The following UFL1 variants were observed in gnomAD, a reference collection of about 807,000 sequenced individuals.
UFL1 encodes the protein UFM1 specific ligase 1, also known as E3 UFM1-protein ligase 1.
A neutral mutation model predicts 99.3 loss-of-function variants in UFL1; 78 were observed. The observed-to-expected ratio is 0.79, with a 90% confidence interval of 0.65 to 0.95. The LOEUF is 0.95. UFL1 is among the 40% of genes least tolerant of loss of function. The pLI is 0.00. For missense variants in UFL1, 936 were observed against 937.0 expected (o/e 1.00, Z 0.01); for synonymous variants, 335 against 322.2 (o/e 1.04, Z -0.42).
intron 12 of UFL1, among the ~76,000 whole-genome samples, chr6:96,546,961 G>A (rs1444242880): frequency 1.3e-5 from 2 of 151,468 alleles, no homozygotes; most frequent in East Asian, 1.9e-4. Context: ...AATCCCAAAA[G>A]CAAATGCACC....
intron 4 of UFL1, 25 bp from the exon 5 acceptor site, chr6:96,526,296 A>T (rs771224323): frequency 6.5e-6 from 10 of 1,548,402 alleles, no homozygotes; most frequent in Admixed American, 2.0e-5. Flanking sequence ...TCTTTTTTCT[A>T]TTATTTTCTT....
chr6:96,544,542 T>C (rs963742441), intron 12 of UFL1, among the ~76,000 whole-genome samples: 4 of 151,086 alleles, frequency 2.6e-5, no homozygotes, highest in African/African-American at 9.7e-5. Flanking sequence ...TACTTGCTAT[T>C]TGTAATAGCA....
intron 7 of UFL1, among the ~76,000 whole-genome samples, chr6:96,535,840 TA>T (rs1439560318): frequency 6.6e-6 from 1 of 152,032 alleles, no homozygotes; most frequent in African/African-American, 2.4e-5. Flanking sequence ...TTTTAAATAT[TA>T]AAAAACGGAA....
intron 18 of UFL1, 89 bp downstream of exon 18, chr6:96,552,751 G>C (rs1253441851): frequency 8.3e-7 from 1 of 1,206,726 alleles, no homozygotes; most frequent in African/African-American, 1.6e-5. Flanking sequence ...TCAGCACTCA[G>C]GTATAAAATA....
chr6:96,553,000 A>G (rs986838149), intron 18 of UFL1, among the ~76,000 whole-genome samples: 1 of 152,106 alleles, frequency 6.6e-6, no homozygotes, highest in African/African-American at 2.4e-5. Flanking sequence ...CTCAGCTAAA[A>G]GGGAACTTCC....
chr6:96,549,486 G>A lies in UFL1; in HGVS notation c.1595G>A (p.Gly532Asp). The A allele has an allele frequency of 1.9e-6, 3 of 1,590,998 alleles. No individual in the cohort carries two copies. The highest frequency in any genetic ancestry group is 1.9e-5 in the Admixed American group (1 of 52,482). Residue 532 changes from glycine to aspartate, a missense_variant, in exon 14 of 19, where the codon GGC becomes GAC. Coordinates refer to ENST00000369278, the MANE Select transcript of UFL1 (RefSeq NM_015323.5). ...TCAACAACTTCTGCTTCTGGGACGG[G>A]CAGAAAACGCACAATCAAGGACTTG... is the stretch of plus-strand genomic sequence containing the variant. ...MSSTTSASGTGRKRTIKDLQE... is the reference protein window; with the variant it reads ...MSSTTSASGTDRKRTIKDLQE...
At chr6:96,527,379 T>C in intron 5 of UFL1, among the ~76,000 whole-genome samples, 1 of 152,148 alleles carries the variant, frequency 6.6e-6, no homozygotes, top group Non-Finnish European at 1.5e-5. Flanking sequence ...AACTAAATAA[T>C]GCTAGTTCTT....
At chr6:96,533,287 C>G (rs1433861133) in intron 6 of UFL1, among the ~76,000 whole-genome samples, 1 of 151,448 alleles carries the variant, frequency 6.6e-6, no homozygotes, top group Non-Finnish European at 1.5e-5. Flanking sequence ...TTCATCGATA[C>G]AAAGTCAAAA....
At chr6:96,534,572 C>T (rs1419444212) in intron 7 of UFL1, among the ~76,000 whole-genome samples, 1 of 151,402 alleles carries the variant, frequency 6.6e-6, no homozygotes, top group African/African-American at 2.4e-5. Context: ...AAATATATGT[C>T]TCACACACTC....
chr6:96,540,727 A>G lies in UFL1; in HGVS notation c.1279+72A>G, dbSNP rs1431315585. On this transcript the variant is annotated intron_variant, in intron 11 of 18. Coordinates refer to ENST00000369278, the MANE Select transcript of UFL1 (RefSeq NM_015323.5). ...AGTGAACTTTGCATTTATCACATTT[A>G]TTATGCCCTTTGAAAGGCCCTTTGT... 25 of 1,518,526 alleles carry G rather than the reference A, an allele frequency of 1.6e-5. No homozygotes were observed. The East Asian group carries it at 5.6e-4, about 34-fold the overall frequency. The allele number at this position is 1,518,526 out of a possible 1,614,324, so 94.1% of individuals were successfully genotyped here.
chr6:96,526,093 A>G (rs1769696837), intron 4 of UFL1, among the ~76,000 whole-genome samples: 1 of 150,764 alleles, frequency 6.6e-6, no homozygotes. Context: ...TGCAAAAAAA[A>G]AAAAGAAAAA....
At chr6:96,534,132 G>A in intron 6 of UFL1, 131 bp from the exon 7 acceptor site, 1 of 512,936 alleles carries the variant, frequency 1.9e-6, no homozygotes, top group Non-Finnish European at 3.0e-6. Context: ...TTAAAATTTG[G>A]TGTAATTTTT....
At chr6:96,546,013 T>C (rs561917303) in intron 12 of UFL1, among the ~76,000 whole-genome samples, 4 of 151,336 alleles carry the variant, frequency 2.6e-5, no homozygotes, top group African/African-American at 9.7e-5. Flanking sequence ...CTAGAAATCC[T>C]AGCCAGAGCA....
At chr6:96,545,480 A>G (rs937926950) in intron 12 of UFL1, among the ~76,000 whole-genome samples, 4 of 150,938 alleles carry the variant, frequency 2.7e-5, no homozygotes, top group South Asian at 2.1e-4. Flanking sequence ...TTTTTAATCT[A>G]TGCCTTTTCC....
chr6:96,551,073 C>T (rs1319498513), intron 15 of UFL1, among the ~76,000 whole-genome samples: 1 of 151,922 alleles, frequency 6.6e-6, no homozygotes, highest in African/African-American at 2.4e-5. Context: ...TGTAGGCATC[C>T]TTGATCTTTA....
At position 96,554,135 on chromosome 6, in the gene UFL1, C is replaced by T. The variant is rs2127954286; in HGVS notation, c.*632C>T. 1 of 152,308 alleles carries T rather than the reference C, an allele frequency of 6.6e-6. No individual in the cohort carries two copies. Among genetic ancestry groups the T allele is most frequent in the African/African-American group, 2.4e-5 (1 of 41,554 alleles). 9.4% of individuals were successfully genotyped at this position (152,308 alleles called of 1,614,324 possible). A position where few individuals can be genotyped will look rare whatever the true frequency, so the allele number is the denominator to read the frequency against. ...ATGCCTTTACAGGTGCACAAGAACGCTAGAGTGGCCCATGCATTGCTGTGT... is the reference window on the plus strand; with the variant it reads ...ATGCCTTTACAGGTGCACAAGAACGTTAGAGTGGCCCATGCATTGCTGTGT... On this transcript the variant is annotated 3_prime_UTR_variant, in exon 19 of 19. Transcript: ENST00000369278.
chr6:96,525,407 A>C lies in UFL1; in HGVS notation c.350+13A>C, dbSNP rs1221848061. ...AACTGATAGATGAGTAAGTACAATA[A>C]AGTACAAATTTAAGAGCACTTTGTT... is the stretch of plus-strand genomic sequence containing the variant. On this transcript the variant is annotated intron_variant, in intron 4 of 18. Transcript: ENST00000369278. 1 of 1,568,872 alleles carries C rather than the reference A, an allele frequency of 6.4e-7. No individual in the cohort carries two copies.
At chr6:96,540,483 T>C in intron 10 of UFL1, 52 bp from the exon 11 acceptor site, 1 of 1,566,300 alleles carries the variant, frequency 6.4e-7, no homozygotes, top group Non-Finnish European at 8.6e-7. Context: ...ACTTTTATGC[T>C]TTTGGAAATG....
intron 8 of UFL1, 72 bp downstream of exon 8, chr6:96,536,462 A>T: frequency 8.3e-7 from 1 of 1,200,086 alleles, no homozygotes; most frequent in Admixed American, 2.0e-5. Flanking sequence ...GTATTATACT[A>T]ACCCTAGAGT....
Sources: allele counts gnomAD v4.1 joint callset (sites outside exome capture counted in the v4.1 genomes callset), GRCh38; gene constraint gnomAD v4.1.1; transcripts MANE v1.5; gene names NCBI Gene and HGNC (gene_info 2026-07-23, HGNC 2026-07-21).